Variants in CABP7 observed in about 807,000 individuals in gnomAD.
CABP7 encodes calcium binding protein 7, also known as calcium-binding protein 7.
Under a neutral mutation model 23.1 loss-of-function variants are expected in CABP7, and 13 were observed. That is an observed-to-expected ratio of 0.56 (90% CI 0.37 to 0.90). The LOEUF (loss-of-function observed/expected upper bound fraction) is 0.90. Ranked by LOEUF, CABP7 falls within the 40% of genes least tolerant of loss-of-function variation. The pLI is 0.01. For missense variants in CABP7, 248 were observed against 295.6 expected (o/e 0.84, Z 1.18); for synonymous variants, 123 against 115.3 (o/e 1.07, Z -0.43).
At chr22:29,728,072 C>T (rs1427019117) in intron 2 of CABP7, among the ~76,000 whole-genome samples, 1 of 152,230 alleles carries the variant, frequency 6.6e-6, no homozygotes, top group African/African-American at 2.4e-5. Context: ...TTTTAAAGTA[C>T]AGAGAAGTAA....
At chr22:29,721,970 G>A (rs1601705642) in intron 1 of CABP7, among the ~76,000 whole-genome samples, 1 of 152,104 alleles carries the variant, frequency 6.6e-6, no homozygotes, top group South Asian at 2.1e-4. Context: ...GGGGGCGAAA[G>A]GTCAGGAGAT....
rs1280300533 is a variant in CABP7 at position 29,720,681 on chromosome 22, G to A, written c.109+148G>A. ...GCGCCCCAGCTAGCAGCTGTGCCCCGCGGCAAGACCTGTCCGCACCCCGGG... is the reference window on the plus strand; with the variant it reads ...GCGCCCCAGCTAGCAGCTGTGCCCCACGGCAAGACCTGTCCGCACCCCGGG... On this transcript the variant is annotated intron_variant, in intron 1 of 4. Coordinates refer to ENST00000216144, the MANE Select transcript of CABP7 (RefSeq NM_182527.3). This position sits in a 1 kb window ranked among gnomAD's most constrained non-coding sequence, Gnocchi z 5.2. 2.8e-5 allele frequency: 13 copies of A among 459,444 alleles called. No homozygotes were observed. The highest frequency in any genetic ancestry group is 4.2e-5 in the Non-Finnish European group (11 of 264,732). The allele number at this position is 459,444 out of a possible 1,614,324, so 28.5% of individuals were successfully genotyped here.
chr22:29,728,312 T>C (rs2067810694), intron 2 of CABP7, among the ~76,000 whole-genome samples: 1 of 152,166 alleles, frequency 6.6e-6, no homozygotes, highest in Admixed American at 6.5e-5. Flanking sequence ...TGGTGGAGGA[T>C]GGCCCACCCC....
intron 2 of CABP7, among the ~76,000 whole-genome samples, chr22:29,728,064 T>C (rs1402652287): frequency 6.6e-6 from 1 of 152,142 alleles, no homozygotes; most frequent in African/African-American, 2.4e-5. Context: ...TTGAGAAGTT[T>C]TAAAGTACAG....
At chr22:29,728,792 G>A (rs1382427471) in intron 3 of CABP7, 50 bp downstream of exon 3, 2 of 1,369,804 alleles carry the variant, frequency 1.5e-6, no homozygotes, top group Non-Finnish European at 2.1e-6. Flanking sequence ...GTGGAGTTCT[G>A]TTCTGGAGCC....
chr22:29,729,057 C>G lies in CABP7; in HGVS notation c.369C>G (p.Cys123Trp). The stretch of plus-strand genomic sequence containing the variant: ...ACCGTGTTGTCCCCCTCCGCAAGTG[C>G]GACATGCAGAAGCTGACGGTGGATG... Reference protein sequence around the residue: ...GTDFDTVFWKCDMQKLTVDEL... With the variant: ...GTDFDTVFWKWDMQKLTVDEL... Residue 123 changes from cysteine (C) to tryptophan (W), a missense_variant and splice_region_variant, in exon 4 of 5, where the codon TGC becomes TGG. Cys to Trp is a radical substitution (Grantham distance 215). Transcript: ENST00000216144. 1 of 1,610,246 alleles carries G rather than the reference C, an allele frequency of 6.2e-7. No individual in the cohort carries two copies. The highest frequency in any genetic ancestry group is 8.5e-7 in the Non-Finnish European group (1 of 1,178,780).
chr22:29,722,227 A>G (rs2067766788), intron 1 of CABP7, among the ~76,000 whole-genome samples: 1 of 152,220 alleles, frequency 6.6e-6, no homozygotes, highest in East Asian at 1.9e-4. Context: ...CCTGATCCCC[A>G]GTCCTGGAGT....
chr22:29,720,433 C>G lies in CABP7; in HGVS notation c.9C>G (p.Phe3Leu). MP[F>L]HPVTAALMYR... ...GGCGCGGAGCCTCCAAGATGCCGTT[C>G]CACCCGGTGACGGCGGCGTTGATGT... The change falls in exon 1 of 5, where the codon TTC (phenylalanine) becomes TTG (leucine). Residue 3 changes from phenylalanine to leucine, a missense_variant. Coordinates refer to ENST00000216144, the MANE Select transcript of CABP7 (RefSeq NM_182527.3). The surrounding 1 kb of genome is among the most constrained non-coding windows in gnomAD (Gnocchi z 5.2). The G allele has an allele frequency of 1.3e-6, 2 of 1,538,602 alleles. No homozygotes were observed. Among genetic ancestry groups the G allele is most frequent in the Non-Finnish European group, 1.7e-6 (2 of 1,145,492 alleles).
At position 29,727,895 on chromosome 22, in the gene CABP7, C is replaced by G; in HGVS notation, c.253+90C>G. The G allele has an allele frequency of 2.1e-6, 3 of 1,438,976 alleles. No homozygotes were observed. Among genetic ancestry groups the G allele is most frequent in the Non-Finnish European group, 2.8e-6 (3 of 1,072,008 alleles). The allele number at this position is 1,438,976 out of a possible 1,614,324, so 89.1% of individuals were successfully genotyped here. On this transcript the variant is annotated intron_variant, in intron 2 of 4. Transcript: ENST00000216144. The surrounding 1 kb of genome is among the most constrained non-coding windows in gnomAD (Gnocchi z 4.2). The stretch of plus-strand genomic sequence containing the variant: ...GGGGCCTGAGCTGCTGAGGCTGCAT[C>G]CAAATTGGGTCTCTCGCTCCCCTGA...
chr22:29,727,860 G>C lies in CABP7; in HGVS notation c.253+55G>C. The C allele has an allele frequency of 6.4e-7, 1 of 1,571,906 alleles. No homozygotes were observed. Among genetic ancestry groups the C allele is most frequent in the South Asian group, 1.2e-5 (1 of 85,856 alleles). ...CCTGGCATCTGGGCCCTGGGGGTGG[G>C]GCAGGGGCTGGGGCCTGAGCTGCTG... On this transcript the variant is annotated intron_variant, in intron 2 of 4. Coordinates refer to ENST00000216144, the MANE Select transcript of CABP7 (RefSeq NM_182527.3). The surrounding 1 kb of genome is among the most constrained non-coding windows in gnomAD (Gnocchi z 4.2).
intron 1 of CABP7, among the ~76,000 whole-genome samples, chr22:29,723,250 A>C (rs1468454306): frequency 6.6e-6 from 1 of 152,080 alleles, no homozygotes; most frequent in African/African-American, 2.4e-5. Flanking sequence ...GAAGGTCTGG[A>C]AAAGGTCTCT....
chr22:29,731,198 C>T lies in CABP7; in HGVS notation c.*1629C>T, dbSNP rs1248392158. The T allele has an allele frequency of 6.8e-6, 10 of 1,471,040 alleles. No individual in the cohort carries two copies. In the South Asian group the frequency reaches 7.4e-5, roughly 11 times the overall value. 91.1% of individuals were successfully genotyped at this position (1,471,040 alleles called of 1,614,324 possible). On this transcript the variant is annotated 3_prime_UTR_variant, in exon 5 of 5. Coordinates refer to ENST00000216144, the MANE Select transcript of CABP7 (RefSeq NM_182527.3). Reference sequence around the variant, plus strand: ...TTGTGACTGATGAGAAAAGTGACCACGTGGGGGTCAGTCGGGGGCAAGGGG... The same window carrying T: ...TTGTGACTGATGAGAAAAGTGACCATGTGGGGGTCAGTCGGGGGCAAGGGG...
At chr22:29,724,633 C>T (rs534655652) in intron 1 of CABP7, among the ~76,000 whole-genome samples, 19 of 152,120 alleles carry the variant, frequency 1.2e-4, no homozygotes, top group Non-Finnish European at 2.5e-4. Flanking sequence ...GGGTGGGAGT[C>T]GGCTGGGGCA....
At chr22:29,728,889 G>C (rs911934070) in intron 3 of CABP7, 147 bp downstream of exon 3, 1 of 1,054,902 alleles carries the variant, frequency 9.5e-7, no homozygotes, top group South Asian at 1.5e-5. Context: ...GAGGGCCATG[G>C]GCTCCCTGGG....
chr22:29,729,295 G>T (rs2067820386), intron 4 of CABP7, 87 bp downstream of exon 4: 2 of 1,575,000 alleles, frequency 1.3e-6, no homozygotes, highest in Non-Finnish European at 1.7e-6. Flanking sequence ...GCAGAGGGGG[G>T]CTGGGGGCCT....
At chr22:29,728,866 A>T (rs2067815103) in intron 3 of CABP7, 124 bp downstream of exon 3, 12 of 1,002,266 alleles carry the variant, frequency 1.2e-5, no homozygotes, top group Non-Finnish European at 1.8e-5. Context: ...TCCACTGGAC[A>T]TTTCACCTCT....
intron 1 of CABP7, among the ~76,000 whole-genome samples, chr22:29,724,745 G>T (rs1018271474): frequency 6.6e-6 from 1 of 152,204 alleles, no homozygotes; most frequent in South Asian, 2.1e-4. Flanking sequence ...AGGTGGCAGT[G>T]TGTGGATTTA....
At position 29,725,662 on chromosome 22, in the gene CABP7, G is replaced by A. The variant is rs369413555; in HGVS notation, c.110-2000G>A. Among the ~76,000 whole-genome samples the A allele has an allele frequency of 1.1e-4, 16 of 152,286 alleles. No homozygotes were observed. The South Asian group carries it at 3.1e-3, about 30-fold the overall frequency. On this transcript the variant is annotated intron_variant, in intron 1 of 4. Transcript: ENST00000216144. ...GGGAGGGCACCAGGGAGATGGTGCCGTTCAAGCTGAGAGCTGGGGTTGTGT... is the reference window on the plus strand; with the variant it reads ...GGGAGGGCACCAGGGAGATGGTGCCATTCAAGCTGAGAGCTGGGGTTGTGT...
rs149753425 is a variant in CABP7, at chr22:29,722,038, C to T, written c.109+1505C>T. Among the ~76,000 whole-genome samples, 1,343 of 152,238 alleles carry T rather than the reference C, an allele frequency of 8.8e-3. 12 individuals carry two copies. Among genetic ancestry groups the T allele is most frequent in the African/African-American group, 0.031 (1,298 of 41,532 alleles). On this transcript the variant is annotated intron_variant, in intron 1 of 4. Transcript: ENST00000216144. ...CCCTCCGGCCCTGGGCCACCTCAAA[C>T]CTCCTGCAGATTTTTCCCTCCAGAG...
Sources: allele counts gnomAD v4.1 joint callset (sites outside exome capture counted in the v4.1 genomes callset), GRCh38; gene constraint gnomAD v4.1.1; non-coding constraint Gnocchi (gnomAD v3.1); transcripts MANE v1.5; gene names NCBI Gene and HGNC (gene_info 2026-07-23, HGNC 2026-07-21).